The following TTC7A variants were observed in gnomAD, a reference collection of about 807,000 sequenced individuals.
The protein encoded by TTC7A is tetratricopeptide repeat domain 7A, also known as tetratricopeptide repeat protein 7A.
Under a neutral mutation model 103.7 loss-of-function variants are expected in TTC7A, and 110 were observed. The observed-to-expected ratio is 1.06, with a 90% confidence interval of 0.91 to 1.24. TTC7A has a LOEUF of 1.24. Ranked by LOEUF, TTC7A falls within the 50% of genes most tolerant of loss-of-function variation. The pLI is 0.00. For synonymous variants in TTC7A, 521 were observed against 467.9 expected (o/e 1.11, Z -1.47); for missense variants, 1,340 against 1,116.3 (o/e 1.20, Z -2.86).
At chr2:47,001,095 G>T (rs1676758385) in intron 8 of TTC7A, among the ~76,000 whole-genome samples, 1 of 152,190 alleles carries the variant, frequency 6.6e-6, no homozygotes, top group African/African-American at 2.4e-5. Context: ...CTTCTCATCT[G>T]TAAAATAGGC....
rs17482356 is a variant in TTC7A at position 47,051,684 on chromosome 2, C to T, written c.2018-62C>T. The T allele has an allele frequency of 0.18, 281,334 of 1,544,108 alleles. 26,941 individuals are homozygous for T. Among genetic ancestry groups the T allele is most frequent in the Non-Finnish European group, 0.2 (224,942 of 1,139,028 alleles). On this transcript the variant is annotated intron_variant, in intron 17 of 19. Coordinates refer to ENST00000319190, the MANE Select transcript of TTC7A (RefSeq NM_020458.4). ...CCCATGGTGCTGGGCAATGACTGCT[C>T]CTGGGGCCTGCAACGTGTGGACCTC...
intron 4 of TTC7A, 54 bp downstream of exon 4, chr2:46,975,157 C>G: frequency 1.9e-6 from 3 of 1,603,314 alleles, no homozygotes; most frequent in Non-Finnish European, 2.6e-6. Flanking sequence ...GCACCTATGT[C>G]TATGGATCCC....
chr2:47,008,743 C>T (rs771290776), intron 10 of TTC7A, among the ~76,000 whole-genome samples: 1 of 152,152 alleles, frequency 6.6e-6, no homozygotes, highest in Non-Finnish European at 1.5e-5. Flanking sequence ...AATCAAGGGC[C>T]TGTATCTGTG....
chr2:47,027,958 C>T (rs1360122789), intron 14 of TTC7A, among the ~76,000 whole-genome samples: 1 of 152,172 alleles, frequency 6.6e-6, no homozygotes, highest in Non-Finnish European at 1.5e-5. Context: ...CAGACCCTGT[C>T]AGGAGTGCGC....
At chr2:47,048,251 C>T (rs1057479703) in intron 16 of TTC7A, among the ~76,000 whole-genome samples, 1 of 152,234 alleles carries the variant, frequency 6.6e-6, no homozygotes, top group Non-Finnish European at 1.5e-5. Flanking sequence ...TTCTCCCCAT[C>T]TGGGCTGTAA....
chr2:47,004,202 G>A lies in TTC7A; in HGVS notation c.1066-1720G>A, dbSNP rs559995277. Among the ~76,000 whole-genome samples, 3 of 152,342 alleles carry A rather than the reference G, an allele frequency of 2.0e-5. No homozygotes were observed. The East Asian group carries it at 5.8e-4, about 29-fold the overall frequency. ...GGGGCATGGGCAGCACTCACCAACT[G>A]TGGCAACAGGGCAGCCATCAGAACC... is the stretch of plus-strand genomic sequence containing the variant. On this transcript the variant is annotated intron_variant, in intron 8 of 19. Coordinates refer to ENST00000319190, the MANE Select transcript of TTC7A (RefSeq NM_020458.4).
chr2:47,047,015 G>A (rs1222638510), intron 16 of TTC7A: 2 of 435,198 alleles, frequency 4.6e-6, no homozygotes, highest in East Asian at 4.0e-5. Flanking sequence ...TGGAGACCCT[G>A]GCCTGGGACC....
intron 11 of TTC7A, among the ~76,000 whole-genome samples, chr2:47,021,266 T>TG: frequency 1.3e-5 from 2 of 152,330 alleles, no homozygotes; most frequent in Middle Eastern, 6.8e-3. Flanking sequence ...CTGACTCCTA[T>TG]GGGGGCCCAG....
chr2:46,955,303 C>T (rs965678372), intron 2 of TTC7A, among the ~76,000 whole-genome samples: 7 of 152,208 alleles, frequency 4.6e-5, no homozygotes, highest in African/African-American at 1.7e-4. Flanking sequence ...GGACTGTGGG[C>T]CACATACCTC....
chr2:47,014,602 C>T (rs575482989), intron 11 of TTC7A, among the ~76,000 whole-genome samples: 2 of 152,236 alleles, frequency 1.3e-5, no homozygotes, highest in African/African-American at 2.4e-5. Context: ...AAGAATGGGT[C>T]TGCCTGGCAG....
intron 18 of TTC7A, among the ~76,000 whole-genome samples, chr2:47,056,880 G>A (rs1469130871): frequency 6.7e-6 from 1 of 148,238 alleles, no homozygotes; most frequent in East Asian, 2.1e-4. Context: ...GGGTGCAGCA[G>A]GGGCACCGTG....
rs190478678 is a variant in TTC7A at position 47,022,692 on chromosome 2, C to T, written c.1510+713C>T. Among the ~76,000 whole-genome samples the T allele has an allele frequency of 4.4e-4, 67 of 152,264 alleles. 1 individual carries two copies. The highest frequency in any genetic ancestry group is 7.2e-4 in the Non-Finnish European group (49 of 68,022). ...TTGCTGGGAGCGGCAGTCACGGTGACATCGGGTATAAATGAGCCCTGTATA... is the reference window on the plus strand; with the variant it reads ...TTGCTGGGAGCGGCAGTCACGGTGATATCGGGTATAAATGAGCCCTGTATA... On this transcript the variant is annotated intron_variant, in intron 12 of 19. Coordinates refer to ENST00000319190, the MANE Select transcript of TTC7A (RefSeq NM_020458.4).
In TTC7A at chr2:47,004,777, T is replaced by C. The variant is rs116741116; in HGVS notation, c.1066-1145T>C. Among the ~76,000 whole-genome samples, 515 of 151,964 alleles carry C rather than the reference T, an allele frequency of 3.4e-3. 2 individuals are homozygous for C. The highest frequency in any genetic ancestry group is 0.012 in the African/African-American group (500 of 41,460). On this transcript the variant is annotated intron_variant, in intron 8 of 19. Transcript: ENST00000319190. Reference sequence around the variant, plus strand: ...GGAGTGGGGGTGGATATGTTACCATTTCTGGCCCCAGAGTGTCCTCTGCCT... The same window carrying C: ...GGAGTGGGGGTGGATATGTTACCATCTCTGGCCCCAGAGTGTCCTCTGCCT...
chr2:47,029,563 G>C (rs1490030751), intron 15 of TTC7A, among the ~76,000 whole-genome samples, 179 bp downstream of exon 15: 2 of 152,222 alleles, frequency 1.3e-5, no homozygotes, highest in African/African-American at 4.8e-5. Flanking sequence ...GACAGCTGTG[G>C]TGCTCTGCAC....
chr2:46,994,355 A>C lies in TTC7A; in HGVS notation c.844-2A>C. 6.2e-7 allele frequency: 1 copy of C among 1,611,654 alleles called. No individual in the cohort carries two copies. The highest frequency in any genetic ancestry group is 8.5e-7 in the Non-Finnish European group (1 of 1,178,660). On this transcript the variant is annotated splice_acceptor_variant, in intron 6 of 19. Coordinates refer to ENST00000319190, the MANE Select transcript of TTC7A (RefSeq NM_020458.4). LOFTEE classifies it high-confidence loss of function. ...GGGTCCGAGTGCTTCCCTCTCTGCCAGATGGCGGCCAAGCACCTGGCGGGG... is the reference window on the plus strand; with the variant it reads ...GGGTCCGAGTGCTTCCCTCTCTGCCCGATGGCGGCCAAGCACCTGGCGGGG...
chr2:46,956,662 A>C, intron 2 of TTC7A, 177 bp from the exon 3 acceptor site: 1 of 643,944 alleles, frequency 1.6e-6, no homozygotes, highest in East Asian at 2.6e-5. Context: ...TGTAGGCTGC[A>C]GACCATGGGT....
intron 4 of TTC7A, among the ~76,000 whole-genome samples, chr2:46,978,527 G>C (rs1352999132): frequency 6.8e-6 from 1 of 147,720 alleles, no homozygotes; most frequent in African/African-American, 2.5e-5. Context: ...AGGAGTTTGA[G>C]ATCAGCCTGG....
intron 18 of TTC7A, among the ~76,000 whole-genome samples, chr2:47,057,827 G>T (rs1458222396): frequency 6.6e-6 from 1 of 152,162 alleles, no homozygotes; most frequent in Non-Finnish European, 1.5e-5. Context: ...AGACTTCCCT[G>T]ACCACACCAG....
intron 3 of TTC7A, among the ~76,000 whole-genome samples, chr2:46,957,801 G>T (rs890723157): frequency 3.9e-5 from 6 of 152,176 alleles, no homozygotes; most frequent in Admixed American, 2.0e-4. Context: ...CTGCTGTCCG[G>T]AATCTTGGAT....
Sources: allele counts gnomAD v4.1 joint callset (sites outside exome capture counted in the v4.1 genomes callset), GRCh38; gene constraint gnomAD v4.1.1; transcripts MANE v1.5; gene names NCBI Gene and HGNC (gene_info 2026-07-23, HGNC 2026-07-21).